The following USP32 variants were observed in gnomAD, a reference collection of about 807,000 sequenced individuals.
USP32 encodes the protein ubiquitin specific peptidase 32, also known as ubiquitin carboxyl-terminal hydrolase 32.
In USP32, 59 loss-of-function variants were observed where a neutral mutation model predicts 204.8. That is an observed-to-expected ratio of 0.29 (90% CI 0.23 to 0.36). The LOEUF (loss-of-function observed/expected upper bound fraction) is 0.36. USP32 is among the 10% of genes least tolerant of loss of function. USP32 has a pLI of 1.00. For missense variants in USP32, 1,160 were observed against 1,946.4 expected, an observed-to-expected ratio of 0.60 and a Z score of 7.60; for synonymous variants, 517 against 678.4, an observed-to-expected ratio of 0.76 and a Z score of 3.70.
chr17:60,287,127 G>A (rs1395961417), intron 5 of USP32, among the ~76,000 whole-genome samples: 6 of 152,132 alleles, frequency 3.9e-5, no homozygotes, highest in Non-Finnish European at 5.9e-5. Context: ...TCCAGCCTGG[G>A]CGACACAGCA....
At chr17:60,314,511 AG>A (rs2087927955) in intron 2 of USP32, among the ~76,000 whole-genome samples, 1 of 151,908 alleles carries the variant, frequency 6.6e-6, no homozygotes, top group South Asian at 2.1e-4. Flanking sequence ...AAACAGGAAT[AG>A]GAACTATCCA....
intron 1 of USP32, among the ~76,000 whole-genome samples, chr17:60,408,085 G>C (rs949479579): frequency 6.6e-6 from 1 of 151,708 alleles, no homozygotes; most frequent in Non-Finnish European, 1.5e-5. Context: ...GGTACAGAGC[G>C]AGACTCCATC....
At chr17:60,263,145 G>A (rs1389875030) in intron 9 of USP32, among the ~76,000 whole-genome samples, 4 of 151,894 alleles carry the variant, frequency 2.6e-5, no homozygotes, top group African/African-American at 4.8e-5. Context: ...ATAGAGTCTC[G>A]TTATGTTACC....
chr17:60,221,540 T>TTTTTTTTTTTGA (rs2085247757), intron 15 of USP32, among the ~76,000 whole-genome samples: 1 of 151,608 alleles, frequency 6.6e-6, no homozygotes, highest in Non-Finnish European at 1.5e-5. Flanking sequence ...AATCTCGCTC[T>TTTTTTTTTTTGA]GTCACCCAGG....
At chr17:60,413,543 T>G (rs1476830366) in intron 1 of USP32, among the ~76,000 whole-genome samples, 1 of 152,148 alleles carries the variant, frequency 6.6e-6, no homozygotes, top group Non-Finnish European at 1.5e-5. Flanking sequence ...GAGGCAAAGC[T>G]TTTGTCTAAA....
intron 1 of USP32, chr17:60,422,124 C>A (rs2090126402): frequency 3.1e-6 from 1 of 317,960 alleles, no homozygotes. Context: ...CTCCCTAGAC[C>A]TCTGTCCCAA....
chr17:60,349,837 TCATA>T (rs1372677252), intron 1 of USP32, among the ~76,000 whole-genome samples: 3 of 150,112 alleles, frequency 2.0e-5, no homozygotes, highest in African/African-American at 7.3e-5. Flanking sequence ...ATTTAGAATA[TCATA>T]CAGACACTGA....
At chr17:60,303,882 C>T (rs2087653068) in intron 2 of USP32, among the ~76,000 whole-genome samples, 3 of 151,882 alleles carry the variant, frequency 2.0e-5, no homozygotes, top group East Asian at 3.9e-4. Flanking sequence ...GTGAGGAGAG[C>T]GGGCAGGGGA....
intron 13 of USP32, among the ~76,000 whole-genome samples, chr17:60,224,261 G>A (rs2085328527): frequency 6.6e-6 from 1 of 152,140 alleles, no homozygotes; most frequent in Non-Finnish European, 1.5e-5. Flanking sequence ...CAGCCTTTGG[G>A]TGTCACAAGT....
chr17:60,316,876 T>C (rs1002325586), intron 2 of USP32, among the ~76,000 whole-genome samples: 2 of 152,010 alleles, frequency 1.3e-5, no homozygotes, highest in Non-Finnish European at 2.9e-5. Context: ...AATGAAGTTC[T>C]GATATACGCT....
intron 9 of USP32, among the ~76,000 whole-genome samples, chr17:60,259,385 A>G (rs548007976): frequency 1.3e-5 from 2 of 152,318 alleles, no homozygotes; most frequent in Non-Finnish European, 2.9e-5. Context: ...GTGATGTAAA[A>G]AAACAAAAAA....
At chr17:60,256,560 G>T (rs572991099) in intron 9 of USP32, 2 of 366,128 alleles carry the variant, frequency 5.5e-6, no homozygotes, top group African/African-American at 2.2e-5. Flanking sequence ...TGTGGAGTTT[G>T]CATATTCTTT....
At chr17:60,358,936 T>C (rs2089146519) in intron 1 of USP32, among the ~76,000 whole-genome samples, 1 of 152,200 alleles carries the variant, frequency 6.6e-6, no homozygotes, top group African/African-American at 2.4e-5. Flanking sequence ...CACAATAAAT[T>C]GATAAAAATT....
At chr17:60,348,027 CAGG>C (rs969490486) in intron 1 of USP32, among the ~76,000 whole-genome samples, 3 of 151,398 alleles carry the variant, frequency 2.0e-5, no homozygotes, top group African/African-American at 7.3e-5. Context: ...GAGGCTGAGG[CAGG>C]AGAATGGCGT....
intron 2 of USP32, among the ~76,000 whole-genome samples, chr17:60,345,158 T>C (rs2088756013): frequency 6.6e-6 from 1 of 152,166 alleles, no homozygotes. Context: ...ATAAAACATA[T>C]TTGCAACATA....
chr17:60,249,784 T>C lies in USP32; in HGVS notation c.1136+2597A>G, dbSNP rs781229180. On this transcript the variant is annotated intron_variant, in intron 11 of 33. Coordinates refer to ENST00000300896, the MANE Select transcript of USP32 (RefSeq NM_032582.4). Reference sequence around the variant, plus strand: ...ATGGTTGTTTGACAATTTTGTTCAGTTTTTTAAGTGCTTTTGGGGAAAGGG... The same window carrying C: ...ATGGTTGTTTGACAATTTTGTTCAGCTTTTTAAGTGCTTTTGGGGAAAGGG... 30 of 700,938 alleles carry C rather than the reference T, an allele frequency of 4.3e-5. No individual in the cohort carries two copies. The South Asian group carries it at 4.3e-4, about 10-fold the overall frequency. The allele number at this position is 700,938 out of a possible 1,614,324, so 43.4% of individuals were successfully genotyped here. A position where few individuals can be genotyped will look rare whatever the true frequency, so the allele number is the denominator to read the frequency against.
chr17:60,190,388 T>A lies in USP32; in HGVS notation c.3642+175A>T, dbSNP rs374928984. 8.5e-5 allele frequency among the ~76,000 whole-genome samples: 13 copies of A among 152,136 alleles called. No homozygotes were observed. The South Asian group carries it at 2.7e-3, about 32-fold the overall frequency. On this transcript the variant is annotated intron_variant, in intron 29 of 33. Coordinates refer to ENST00000300896, the MANE Select transcript of USP32 (RefSeq NM_032582.4). ...GCCCCAATACAATGAACTCCAGAAG[T>A]TGGAAAATGAAAAAGCTCAAGCAAA...
intron 2 of USP32, among the ~76,000 whole-genome samples, chr17:60,312,889 T>G (rs2087888209): frequency 6.6e-6 from 1 of 152,208 alleles, no homozygotes; most frequent in Non-Finnish European, 1.5e-5. Flanking sequence ...ATGAATACAT[T>G]AAGTACTCAT....
At chr17:60,214,849 T>C (rs1300383033) in intron 16 of USP32, 75 bp from the exon 17 acceptor site, 2 of 1,576,990 alleles carry the variant, frequency 1.3e-6, no homozygotes, top group Admixed American at 1.8e-5. Flanking sequence ...ATGGGGACCA[T>C]ACTATTTTAG....
Sources: allele counts gnomAD v4.1 joint callset (sites outside exome capture counted in the v4.1 genomes callset), GRCh38; gene constraint gnomAD v4.1.1; transcripts MANE v1.5; gene names NCBI Gene and HGNC (gene_info 2026-07-23, HGNC 2026-07-21).